The following LRRC1 variants were observed in gnomAD, a reference collection of about 807,000 sequenced individuals.
LRRC1 encodes leucine rich repeat containing 1.
A neutral mutation model predicts 69.9 loss-of-function variants in LRRC1; 28 were observed. That is an observed-to-expected ratio of 0.40 (90% CI 0.30 to 0.55). LRRC1 has a LOEUF of 0.55. Among genes scored for constraint, LRRC1 ranks in the 20% least tolerant of loss-of-function variants. The pLI, the probability that LRRC1 is intolerant of heterozygous loss-of-function variation, is 0.47. For missense variants in LRRC1, 498 were observed against 609.0 expected, an observed-to-expected ratio of 0.82 and a Z score of 1.92; for synonymous variants, 236 against 240.2, an observed-to-expected ratio of 0.98 and a Z score of 0.16.
chr6:53,811,958 G>T (rs758641362), intron 1 of LRRC1, among the ~76,000 whole-genome samples: 4 of 152,248 alleles, frequency 2.6e-5, no homozygotes, highest in African/African-American at 4.8e-5. Flanking sequence ...TGCCTGCCTT[G>T]ACACCTGAGC....
At chr6:53,841,537 TAC>T (rs1432910964) in intron 1 of LRRC1, among the ~76,000 whole-genome samples, 25 of 152,314 alleles carry the variant, frequency 1.6e-4, no homozygotes, top group African/African-American at 5.3e-4. Flanking sequence ...GTCATTTTAA[TAC>T]AGTTTTTAAA....
intron 2 of LRRC1, among the ~76,000 whole-genome samples, chr6:53,852,305 T>A (rs181177769): frequency 6.6e-6 from 1 of 152,330 alleles, no homozygotes; most frequent in East Asian, 1.9e-4. Flanking sequence ...CTATCATCTT[T>A]CATTTTGGAT....
At chr6:53,863,409 C>T (rs1404248643) in intron 2 of LRRC1, among the ~76,000 whole-genome samples, 2 of 152,182 alleles carry the variant, frequency 1.3e-5, no homozygotes, top group Non-Finnish European at 2.9e-5. Flanking sequence ...AGCCTGTTTT[C>T]GATGTATGGG....
chr6:53,812,704 A>G (rs1764831523), intron 1 of LRRC1, among the ~76,000 whole-genome samples: 1 of 151,506 alleles, frequency 6.6e-6, no homozygotes, highest in Non-Finnish European at 1.5e-5. Flanking sequence ...AAAAAAAAAA[A>G]AAAAAAAAAA....
chr6:53,906,178 C>G (rs539338424), intron 10 of LRRC1, among the ~76,000 whole-genome samples: 4 of 152,214 alleles, frequency 2.6e-5, no homozygotes, highest in African/African-American at 9.6e-5. Flanking sequence ...AGTGAGGAAA[C>G]GGAGGCCAGT....
intron 2 of LRRC1, among the ~76,000 whole-genome samples, chr6:53,870,235 T>C (rs1766837706): frequency 6.6e-6 from 1 of 152,164 alleles, no homozygotes; most frequent in African/African-American, 2.4e-5. Context: ...CAGCCACCAT[T>C]CATGTGATTT....
chr6:53,863,646 G>C (rs1459070414), intron 2 of LRRC1, among the ~76,000 whole-genome samples: 1 of 152,104 alleles, frequency 6.6e-6, no homozygotes, highest in Admixed American at 6.5e-5. Flanking sequence ...CTTGACCTTG[G>C]TATTCTCCTC....
At chr6:53,871,359 G>A (rs1478180539) in intron 2 of LRRC1, among the ~76,000 whole-genome samples, 1 of 152,066 alleles carries the variant, frequency 6.6e-6, no homozygotes, top group Non-Finnish European at 1.5e-5. Flanking sequence ...TCTCATTGTG[G>A]TTTTGATTTG....
At chr6:53,854,996 GAC>G (rs1401489663) in intron 2 of LRRC1, among the ~76,000 whole-genome samples, 1 of 128,408 alleles carries the variant, frequency 7.8e-6, no homozygotes, top group South Asian at 2.7e-4. Flanking sequence ...TAATCGACAA[GAC>G]AGGGGGATTT....
chr6:53,860,328 G>C (rs778253757), intron 2 of LRRC1, among the ~76,000 whole-genome samples: 2 of 152,172 alleles, frequency 1.3e-5, no homozygotes, highest in Non-Finnish European at 2.9e-5. Flanking sequence ...CTTTGAAGGG[G>C]ATAATACCAA....
In LRRC1 at chr6:53,922,847, C is replaced by T; in HGVS notation, c.*54C>T. ...GTCTTCCTCTGCTGTCGAGACGTTC[C>T]TGTCTGCTTCCCGGGAGCCTCACGT... On this transcript the variant is annotated 3_prime_UTR_variant, in exon 14 of 14. Coordinates refer to ENST00000370888, the MANE Select transcript of LRRC1 (RefSeq NM_018214.5). 4 of 1,559,718 alleles carry T rather than the reference C, an allele frequency of 2.6e-6. No homozygotes were observed. The highest frequency in any genetic ancestry group is 3.5e-6 in the Non-Finnish European group (4 of 1,142,992).
At position 53,795,404 on chromosome 6, in the gene LRRC1, G is replaced by C. The variant is rs772419923; in HGVS notation, c.148G>C (p.Glu50Gln). ...ELLLDANQLRELPEQFFQLVK... is the reference protein window; with the variant it reads ...ELLLDANQLRQLPEQFFQLVK... Reference sequence around the variant, plus strand: ...GCTGCTGGACGCCAACCAGCTCCGCGAGCTGCCCGAGGTAAGGGTCCGGCC... The same window carrying C: ...GCTGCTGGACGCCAACCAGCTCCGCCAGCTGCCCGAGGTAAGGGTCCGGCC... The change falls in exon 1 of 14, where the codon GAG becomes CAG. Residue 50 changes from glutamate to glutamine, a missense_variant. Coordinates refer to ENST00000370888, the MANE Select transcript of LRRC1 (RefSeq NM_018214.5). The C allele has an allele frequency of 1.2e-6, 2 of 1,611,896 alleles. No individual in the cohort carries two copies. The highest frequency in any genetic ancestry group is 1.7e-6 in the Non-Finnish European group (2 of 1,179,736).
In LRRC1 at chr6:53,882,923, A is replaced by T; in HGVS notation, c.393A>T (p.Thr131=). ...PESFPELQNL[T]CLSVNDISLQ... The stretch of plus-strand genomic sequence containing the variant: ...GCTTTCCTGAATTACAGAATTTAAC[A>T]TGTCTTTCTGTAAATGACATCTCAC... Residue 131 remains threonine (T), a synonymous_variant, in exon 4 of 14, where the codon ACA becomes ACT. Coordinates refer to ENST00000370888, the MANE Select transcript of LRRC1 (RefSeq NM_018214.5). 4 of 1,608,144 alleles carry T rather than the reference A, an allele frequency of 2.5e-6. No individual in the cohort carries two copies. Among genetic ancestry groups the T allele is most frequent in the Non-Finnish European group, 3.4e-6 (4 of 1,178,494 alleles).
At chr6:53,825,920 C>G (rs1253689042) in intron 1 of LRRC1, among the ~76,000 whole-genome samples, 2 of 151,894 alleles carry the variant, frequency 1.3e-5, no homozygotes, top group African/African-American at 4.8e-5. Context: ...CTTTCACTTT[C>G]CTTCTGTGGT....
intron 2 of LRRC1, among the ~76,000 whole-genome samples, chr6:53,846,273 G>A (rs1765940907): frequency 6.6e-6 from 1 of 152,150 alleles, no homozygotes; most frequent in African/African-American, 2.4e-5. Context: ...CATGAGTTTA[G>A]GGAAAAAGAG....
At chr6:53,816,395 A>G (rs1248592831) in intron 1 of LRRC1, among the ~76,000 whole-genome samples, 2 of 152,100 alleles carry the variant, frequency 1.3e-5, no homozygotes, top group East Asian at 1.9e-4. Context: ...GACAGAATAT[A>G]TAGGTATATT....
rs193157148 is a variant in LRRC1, at chr6:53,877,100, C to G, written c.278-1893C>G. 6.3e-4 allele frequency among the ~76,000 whole-genome samples: 96 copies of G among 152,348 alleles called. 2 individuals carry two copies. The highest frequency in any genetic ancestry group is 2.2e-3 in the African/African-American group (90 of 41,576). ...GAAATCTAGCCAGAGGTTCCCAAAC[C>G]TCAATTCTTGATTTCTGTGTACCCG... On this transcript the variant is annotated intron_variant, in intron 2 of 13. Coordinates refer to ENST00000370888, the MANE Select transcript of LRRC1 (RefSeq NM_018214.5).
chr6:53,830,431 A>G (rs1232380460), intron 1 of LRRC1, among the ~76,000 whole-genome samples: 1 of 152,154 alleles, frequency 6.6e-6, no homozygotes, highest in African/African-American at 2.4e-5. Context: ...AAACTTTGCA[A>G]TTAGGCCTTG....
chr6:53,899,688 A>C, intron 7 of LRRC1, 59 bp from the exon 8 acceptor site: 1 of 1,507,444 alleles, frequency 6.6e-7, no homozygotes, highest in Non-Finnish European at 9.0e-7. Flanking sequence ...ACTGGAACAA[A>C]TGCCTCTGCA....
Sources: allele counts gnomAD v4.1 joint callset (sites outside exome capture counted in the v4.1 genomes callset), GRCh38; gene constraint gnomAD v4.1.1; transcripts MANE v1.5; gene names NCBI Gene and HGNC (gene_info 2026-07-23, HGNC 2026-07-21).